Variants in CYB5R4 observed in about 807,000 individuals in gnomAD.
CYB5R4 encodes the protein N-terminal cytochrome b5 and cytochrome b5 oxidoreductase domain-containing protein.
A neutral mutation model predicts 70.2 loss-of-function variants in CYB5R4; 55 were observed. That is an observed-to-expected ratio of 0.78 (90% CI 0.63 to 0.98). CYB5R4 has a LOEUF of 0.98. Among genes scored for constraint, CYB5R4 ranks in the 50% least tolerant of loss-of-function variants. CYB5R4 has a pLI of 0.00. For missense variants in CYB5R4, 562 were observed against 612.6 expected (o/e 0.92, Z 0.87); for synonymous variants, 197 against 199.5 (o/e 0.99, Z 0.11).
chr6:83,931,591 A>G (rs1258410515), intron 10 of CYB5R4, among the ~76,000 whole-genome samples: 2 of 152,084 alleles, frequency 1.3e-5, no homozygotes, highest in Non-Finnish European at 2.9e-5. Context: ...TATTAATTGT[A>G]TGTATTTAAT....
At chr6:83,924,766 G>C (rs2099466993) in intron 10 of CYB5R4, among the ~76,000 whole-genome samples, 174 bp downstream of exon 10, 1 of 152,116 alleles carries the variant, frequency 6.6e-6, no homozygotes, top group East Asian at 1.9e-4. Context: ...TCCCATAGAA[G>C]TTAAATTTCA....
chr6:83,907,215 A>G (rs553729964), intron 3 of CYB5R4, among the ~76,000 whole-genome samples: 13 of 152,286 alleles, frequency 8.5e-5, no homozygotes, highest in African/African-American at 3.1e-4. Flanking sequence ...TGCTGGGATT[A>G]CAGGCATGAG....
At chr6:83,926,779 G>T (rs962242492) in intron 10 of CYB5R4, among the ~76,000 whole-genome samples, 19 of 152,174 alleles carry the variant, frequency 1.2e-4, no homozygotes, top group African/African-American at 4.6e-4. Flanking sequence ...CAGTCATGTG[G>T]CTGTGCTAAG....
chr6:83,862,593 G>T (rs2099456128), intron 1 of CYB5R4, among the ~76,000 whole-genome samples: 1 of 152,186 alleles, frequency 6.6e-6, no homozygotes, highest in Non-Finnish European at 1.5e-5. Flanking sequence ...ATGGAAAGGA[G>T]CAAAAGTTAG....
chr6:83,964,680 A>G lies in CYB5R4; in HGVS notation c.*4802A>G, dbSNP rs896501621. ...CATAAGTAACAAGGAACTGAATGTT[A>G]ATTTCCAAGACAATGGGGAAAATGT... is the stretch of plus-strand genomic sequence containing the variant. On this transcript the variant is annotated 3_prime_UTR_variant, in exon 16 of 16. Coordinates refer to ENST00000369681, the MANE Select transcript of CYB5R4 (RefSeq NM_016230.4). The G allele has an allele frequency of 6.6e-6, 1 of 152,224 alleles. No homozygotes were observed. Among genetic ancestry groups the G allele is most frequent in the Non-Finnish European group, 1.5e-5 (1 of 68,034 alleles). The allele number at this position is 152,224 out of a possible 1,614,324, so 9.4% of individuals were successfully genotyped here.
intron 2 of CYB5R4, among the ~76,000 whole-genome samples, chr6:83,870,197 G>A (rs2099457369): frequency 6.6e-6 from 1 of 152,164 alleles, no homozygotes; most frequent in Non-Finnish European, 1.5e-5. Context: ...CAATGGGTCA[G>A]TATTCGCTAA....
chr6:83,912,183 A>G (rs561998812), intron 4 of CYB5R4, among the ~76,000 whole-genome samples: 7 of 151,874 alleles, frequency 4.6e-5, no homozygotes, highest in Non-Finnish European at 2.9e-5. Context: ...CCTCCCATCT[A>G]CTGTTTTCCT....
chr6:83,963,467 A>G lies in CYB5R4; in HGVS notation c.*3589A>G, dbSNP rs1264075794. The stretch of plus-strand genomic sequence containing the variant: ...TTTGGGCAGAAAAAACAGATTCTGT[A>G]TGATCTACAGTATTTAACATTGTGG... On this transcript the variant is annotated 3_prime_UTR_variant, in exon 16 of 16. Transcript: ENST00000369681. 1 of 152,220 alleles carries G rather than the reference A, an allele frequency of 6.6e-6. No homozygotes were observed. The highest frequency in any genetic ancestry group is 1.5e-5 in the Non-Finnish European group (1 of 68,048). The allele number at this position is 152,220 out of a possible 1,614,324, so 9.4% of individuals were successfully genotyped here. A position where few individuals can be genotyped will look rare whatever the true frequency, so the allele number is the denominator to read the frequency against.
In CYB5R4 at chr6:83,955,283, TTTTC is replaced by T; in HGVS notation, c.1347-11_1347-8del. ...AAAATAATAAACTTTAAAAAGCTGTTTTTCTTTTCCCTAGACTGGATGTTGAATT... is the reference window on the plus strand; with the variant it reads ...AAAATAATAAACTTTAAAAAGCTGTTTTTTCCCTAGACTGGATGTTGAATT... On this transcript the variant is annotated splice_polypyrimidine_tract_variant and intron_variant, in intron 14 of 15. Coordinates refer to ENST00000369681, the MANE Select transcript of CYB5R4 (RefSeq NM_016230.4). 6.3e-7 allele frequency: 1 copy of T among 1,574,922 alleles called. No homozygotes were observed. Among genetic ancestry groups the T allele is most frequent in the South Asian group, 1.2e-5 (1 of 83,502 alleles).
At chr6:83,957,677 C>T (rs528590978) in intron 15 of CYB5R4, among the ~76,000 whole-genome samples, 10 of 149,626 alleles carry the variant, frequency 6.7e-5, no homozygotes, top group Non-Finnish European at 1.5e-4. Flanking sequence ...TTTCTTTTCT[C>T]AGTTTTACCT....
chr6:83,939,576 A>G (rs191176822), intron 12 of CYB5R4, among the ~76,000 whole-genome samples: 295 of 152,314 alleles, frequency 1.9e-3, no homozygotes, highest in African/African-American at 6.7e-3. Flanking sequence ...TTCTATTTCA[A>G]TTTTCTCTCC....
At chr6:83,892,484 C>A (rs2099461254) in intron 2 of CYB5R4, among the ~76,000 whole-genome samples, 1 of 152,084 alleles carries the variant, frequency 6.6e-6, no homozygotes, top group Non-Finnish European at 1.5e-5. Flanking sequence ...CTAGATTTGT[C>A]TGGTATCTAT....
Position 83,963,253 on chromosome 6 carries a change from C to G in CYB5R4, c.*3375C>G, listed in dbSNP as rs2099473603. On this transcript the variant is annotated 3_prime_UTR_variant, in exon 16 of 16. Transcript: ENST00000369681. ...GGTTTTGTCTAGATAGGGGCCCTTG[C>G]TATGGGCCCTCAGTTTTTACCTTAA... 1 of 152,152 alleles carries G rather than the reference C, an allele frequency of 6.6e-6. No individual in the cohort carries two copies. Among genetic ancestry groups the G allele is most frequent in the South Asian group, 2.1e-4 (1 of 4,824 alleles). The allele number at this position is 152,152 out of a possible 1,614,324, so 9.4% of individuals were successfully genotyped here.
chr6:83,924,614 C>T (rs372472919), intron 10 of CYB5R4, 22 bp downstream of exon 10: 19 of 1,604,786 alleles, frequency 1.2e-5, no homozygotes, highest in South Asian at 6.6e-5. Context: ...TCTTTTGTTA[C>T]GTTAATTTCA....
intron 5 of CYB5R4, among the ~76,000 whole-genome samples, chr6:83,916,341 A>G (rs2099465510): frequency 6.6e-6 from 1 of 152,162 alleles, no homozygotes; most frequent in Admixed American, 6.5e-5. Context: ...TTCTGTTTAT[A>G]GCGTTTTCTT....
intron 3 of CYB5R4, among the ~76,000 whole-genome samples, chr6:83,903,087 G>T (rs1324581297): frequency 1.3e-5 from 2 of 152,080 alleles, no homozygotes; most frequent in African/African-American, 4.8e-5. Flanking sequence ...TGGGCGTCCT[G>T]TCTTGTTCCA....
intron 2 of CYB5R4, among the ~76,000 whole-genome samples, chr6:83,877,383 G>T (rs1391865519): frequency 6.6e-6 from 1 of 152,068 alleles, no homozygotes; most frequent in Admixed American, 6.5e-5. Context: ...ATAAAGGAAT[G>T]CCTGAGGCTG....
At chr6:83,908,073 G>A (rs760903121) in intron 3 of CYB5R4, among the ~76,000 whole-genome samples, 1 of 150,540 alleles carries the variant, frequency 6.6e-6, no homozygotes, top group African/African-American at 2.5e-5. Flanking sequence ...CACAATGGTT[G>A]AACTAATTTA....
chr6:83,952,226 CT>C (rs1279306453), intron 14 of CYB5R4, among the ~76,000 whole-genome samples: 1 of 152,162 alleles, frequency 6.6e-6, no homozygotes, highest in Non-Finnish European at 1.5e-5. Flanking sequence ...ATTTACATCA[CT>C]TTAAAGATTT....
Sources: gnomAD v4.1 joint callset for allele counts (sites outside exome capture counted in the v4.1 genomes callset) on GRCh38, gnomAD v4.1.1 for gene constraint, MANE v1.5 for transcripts, NCBI Gene and HGNC (gene_info 2026-07-23, HGNC 2026-07-21) for gene names.